Variants in GDE1 observed in about 807,000 individuals in gnomAD.
The protein encoded by GDE1 is RGS16-interacting membrane protein.
A neutral mutation model predicts 32.2 loss-of-function variants in GDE1; 24 were observed. That is an observed-to-expected ratio of 0.75 (90% CI 0.54 to 1.05). The LOEUF (loss-of-function observed/expected upper bound fraction) is 1.05. Ranked by LOEUF, GDE1 falls within the 50% of genes least tolerant of loss-of-function variation. GDE1 has a pLI of 0.00. For synonymous variants in GDE1, 159 were observed against 158.6 expected, an observed-to-expected ratio of 1.00 and a Z score of -0.02; for missense variants, 380 against 415.0, an observed-to-expected ratio of 0.92 and a Z score of 0.73.
In GDE1 at chr16:19,518,547, C is replaced by T. The variant is rs1052978614; in HGVS notation, c.262-1358G>A. ...TGCACTCTTATCCGCTTCAGTTTTA[C>T]TATCAACACTACAGATACAGCTGAA... On this transcript the variant is annotated intron_variant, in intron 1 of 5. Coordinates refer to ENST00000353258, the MANE Select transcript of GDE1 (RefSeq NM_016641.4). Among the ~76,000 whole-genome samples, 57 of 152,202 alleles carry T rather than the reference C, an allele frequency of 3.7e-4. 1 individual carries two copies. Among genetic ancestry groups the T allele is most frequent in the African/African-American group, 1.2e-3 (50 of 41,452 alleles).
intron 3 of GDE1, among the ~76,000 whole-genome samples, chr16:19,509,809 C>T (rs1268060892): frequency 2.0e-5 from 3 of 151,780 alleles, no homozygotes; most frequent in Admixed American, 6.6e-5. Flanking sequence ...TACAGGTGCC[C>T]GCCACCAAGT....
At position 19,501,998 on chromosome 16, in the gene GDE1, G is replaced by C. The variant is rs575857848; in HGVS notation, c.*1472C>G. ...GAAAGGTGAGAAGCGGTAAGCTAGA[G>C]GAGACAGACGGCGTTGCCATTAAAA... is the stretch of plus-strand genomic sequence containing the variant. On this transcript the variant is annotated 3_prime_UTR_variant, in exon 6 of 6. Transcript: ENST00000353258. 2.6e-5 allele frequency: 4 copies of C among 152,194 alleles called. No homozygotes were observed. The highest frequency in any genetic ancestry group is 2.6e-4 in the Admixed American group (4 of 15,280). The allele number at this position is 152,194 out of a possible 1,614,324, so 9.4% of individuals were successfully genotyped here.
At chr16:19,520,512 G>T (rs974051446) in intron 1 of GDE1, among the ~76,000 whole-genome samples, 1 of 151,836 alleles carries the variant, frequency 6.6e-6, no homozygotes, top group African/African-American at 2.4e-5. Context: ...TCACTTTGAG[G>T]CCAGGAGTTT....
intron 2 of GDE1, 36 bp from the exon 3 acceptor site, chr16:19,510,980 G>A (rs1969311725): frequency 9.6e-7 from 1 of 1,038,772 alleles, no homozygotes; most frequent in East Asian, 2.4e-5. Context: ...TAGGAAAAAA[G>A]AGAAACAGAT....
Position 19,502,532 on chromosome 16 carries a change from C to G in GDE1, c.*938G>C, listed in dbSNP as rs900174176. The G allele has an allele frequency of 6.6e-6, 1 of 151,898 alleles. No homozygotes were observed. The highest frequency in any genetic ancestry group is 1.5e-5 in the Non-Finnish European group (1 of 67,996). 9.4% of individuals were successfully genotyped at this position (151,898 alleles called of 1,614,324 possible). On this transcript the variant is annotated 3_prime_UTR_variant, in exon 6 of 6. Transcript: ENST00000353258. ...CCTCCTGAGTAGCTGGGAATACAGGCATGCACCACCATGCCTAATTTTTTA... is the reference window on the plus strand; with the variant it reads ...CCTCCTGAGTAGCTGGGAATACAGGGATGCACCACCATGCCTAATTTTTTA...
At position 19,505,105 on chromosome 16, in the gene GDE1, T is replaced by C. The variant is rs1160891640; in HGVS notation, c.637-13A>G. On this transcript the variant is annotated splice_polypyrimidine_tract_variant and intron_variant, in intron 4 of 5. Coordinates refer to ENST00000353258, the MANE Select transcript of GDE1 (RefSeq NM_016641.4). Reference sequence around the variant, plus strand: ...CTGTTTGTCTCATCTGCAAAGGAATTTGGGGAAGTAAAATAATGATCATAT... The same window carrying C: ...CTGTTTGTCTCATCTGCAAAGGAATCTGGGGAAGTAAAATAATGATCATAT... 6.5e-7 allele frequency: 1 copy of C among 1,548,628 alleles called. No homozygotes were observed.
chr16:19,503,847 C>T (rs1370870699), intron 5 of GDE1: 2 of 429,182 alleles, frequency 4.7e-6, no homozygotes, highest in Non-Finnish European at 8.3e-6. Context: ...GATCGCCACC[C>T]CCAAATGTCC....
At chr16:19,503,778 G>T in intron 5 of GDE1, 161 bp from the exon 6 acceptor site, 6 of 596,966 alleles carry the variant, frequency 1.0e-5, no homozygotes, top group Admixed American at 5.9e-5. Context: ...CCAAAACCCA[G>T]GATGCCATGA....
intron 4 of GDE1, among the ~76,000 whole-genome samples, chr16:19,505,869 A>G (rs1567335540): frequency 6.6e-6 from 1 of 152,232 alleles, no homozygotes; most frequent in East Asian, 1.9e-4. Context: ...GAAACTGGTA[A>G]ATAAAAGGAA....
chr16:19,521,686 C>G lies in GDE1; in HGVS notation c.261+18G>C. 1 of 1,607,402 alleles carries G rather than the reference C, an allele frequency of 6.2e-7. No homozygotes were observed. The highest frequency in any genetic ancestry group is 8.5e-7 in the Non-Finnish European group (1 of 1,176,472). On this transcript the variant is annotated intron_variant, in intron 1 of 5. Coordinates refer to ENST00000353258, the MANE Select transcript of GDE1 (RefSeq NM_016641.4). ...GAGCTCTCGGGAGGACCGAGGGGCGCGAACGTGGGGGTCTCACCTGCCGAA... is the reference window on the plus strand; with the variant it reads ...GAGCTCTCGGGAGGACCGAGGGGCGGGAACGTGGGGGTCTCACCTGCCGAA...
Position 19,503,217 on chromosome 16 carries a change from G to A in GDE1, c.*253C>T. 2 of 479,366 alleles carry A rather than the reference G, an allele frequency of 4.2e-6. No homozygotes were observed. Among genetic ancestry groups the A allele is most frequent in the Non-Finnish European group, 7.5e-6 (2 of 265,280 alleles). 29.7% of individuals were successfully genotyped at this position (479,366 alleles called of 1,614,324 possible). ...GGGTCTCCCTGTGTGCCTCAGCTAG[G>A]GCAGGGCAGGGGCTCTTGTGCGTTT... On this transcript the variant is annotated 3_prime_UTR_variant, in exon 6 of 6. Coordinates refer to ENST00000353258, the MANE Select transcript of GDE1 (RefSeq NM_016641.4).
intron 1 of GDE1, among the ~76,000 whole-genome samples, chr16:19,520,048 G>A (rs1273833682): frequency 6.6e-6 from 1 of 151,796 alleles, no homozygotes; most frequent in Non-Finnish European, 1.5e-5. Context: ...TGGTAAAGTC[G>A]AATGTATACA....
chr16:19,510,321 T>C (rs1969301491), intron 3 of GDE1, among the ~76,000 whole-genome samples: 1 of 152,172 alleles, frequency 6.6e-6, no homozygotes, highest in Non-Finnish European at 1.5e-5. Flanking sequence ...AAACTATACA[T>C]AAGGGATATA....
chr16:19,512,927 T>TTTTGTGTG (rs3222404), intron 2 of GDE1, among the ~76,000 whole-genome samples: 5 of 137,006 alleles, frequency 3.6e-5, no homozygotes, highest in Admixed American at 1.5e-4. Context: ...TGTATCTGTT[T>TTTTGTGTG]TGTGTGTGTG....
chr16:19,517,204 C>G lies in GDE1; in HGVS notation c.262-15G>C. On this transcript the variant is annotated splice_polypyrimidine_tract_variant and intron_variant, in intron 1 of 5. Coordinates refer to ENST00000353258, the MANE Select transcript of GDE1 (RefSeq NM_016641.4). ...TTCTTAGCTGCCTTAACAAAAACAT[C>G]AAGAATATTACTGTCAAATGGCCAC... The G allele has an allele frequency of 6.2e-7, 1 of 1,603,786 alleles. No homozygotes were observed. The highest frequency in any genetic ancestry group is 8.5e-7 in the Non-Finnish European group (1 of 1,170,970).
chr16:19,521,594 C>A (rs1371055132), intron 1 of GDE1, 110 bp downstream of exon 1: 3 of 1,240,696 alleles, frequency 2.4e-6, no homozygotes, highest in Middle Eastern at 1.9e-4. Flanking sequence ...GCCTTGTGGA[C>A]GAATGAGGAA....
intron 4 of GDE1, among the ~76,000 whole-genome samples, 193 bp from the exon 5 acceptor site, chr16:19,505,285 G>C (rs942841680): frequency 2.0e-5 from 3 of 152,172 alleles, no homozygotes; most frequent in Non-Finnish European, 4.4e-5. Flanking sequence ...CTAATATGCA[G>C]CACATATGAG....
At chr16:19,517,543 T>G (rs1216777163) in intron 1 of GDE1, among the ~76,000 whole-genome samples, 2 of 152,224 alleles carry the variant, frequency 1.3e-5, no homozygotes, top group Admixed American at 1.3e-4. Flanking sequence ...ACACTATTTG[T>G]TGGTACAGCA....
chr16:19,517,057 C>T lies in GDE1; in HGVS notation c.394G>A (p.Glu132Lys). Residue 132 changes from glutamate (E) to lysine (K), a missense_variant, in exon 2 of 6, where the codon GAA becomes AAA. Physicochemically the swap from Glu to Lys is moderately conservative, Grantham distance 56. Coordinates refer to ENST00000353258, the MANE Select transcript of GDE1 (RefSeq NM_016641.4). ...GCAGGATTCAGCTTCCTAATTTGTT[C>T]AAATGTCAAATCACACAATCGCCCA... ...GTGRLCDLTF[E>K]QIRKLNPAAN... The T allele has an allele frequency of 6.2e-7, 1 of 1,614,174 alleles. No individual in the cohort carries two copies. Among genetic ancestry groups the T allele is most frequent in the Non-Finnish European group, 8.5e-7 (1 of 1,179,998 alleles).
Sources: allele counts gnomAD v4.1 joint callset (sites outside exome capture counted in the v4.1 genomes callset), GRCh38; gene constraint gnomAD v4.1.1; transcripts MANE v1.5; gene names NCBI Gene and HGNC (gene_info 2026-07-23, HGNC 2026-07-21).